RPS6KC1: variants seen among roughly 807,000 people sequenced by gnomAD.
RPS6KC1 encodes inactive ribosomal protein S6 kinase delta-1.
Under a neutral mutation model 103.8 loss-of-function variants are expected in RPS6KC1, and 54 were observed. The observed-to-expected ratio is 0.52, with a 90% CI of 0.42 to 0.65. The LOEUF is 0.65. RPS6KC1 is among the 30% of genes least tolerant of loss of function. The pLI is 0.00. For synonymous variants in RPS6KC1, 439 were observed against 438.7 expected, an observed-to-expected ratio of 1.00 and a Z score of -0.01; for missense variants, 1,151 against 1,253.8, an observed-to-expected ratio of 0.92 and a Z score of 1.24.
chr1:213,799,839 G>A, the RPS6KC1 span, among the ~76,000 whole-genome samples: 4 of 152,194 alleles, frequency 2.6e-5, no homozygotes, highest in Non-Finnish European at 4.4e-5. Flanking sequence ...AGTCAGCTCA[G>A]GCTACCATAA....
At chr1:213,572,710 A>G in the RPS6KC1 span, among the ~76,000 whole-genome samples, 1 of 152,212 alleles carries the variant, frequency 6.6e-6, no homozygotes, top group African/African-American at 2.4e-5. Context: ...ATCTTTATCA[A>G]AGAATTGGGG....
At chr1:213,221,314 G>A (rs1003805388) in intron 8 of RPS6KC1, among the ~76,000 whole-genome samples, 4 of 151,948 alleles carry the variant, frequency 2.6e-5, no homozygotes, top group Admixed American at 2.0e-4. Flanking sequence ...TTTTCCATAG[G>A]CGAACTGATG....
At chr1:213,640,701 C>T in the RPS6KC1 span, among the ~76,000 whole-genome samples, 15 of 151,756 alleles carry the variant, frequency 9.9e-5, no homozygotes, top group South Asian at 2.1e-3. Context: ...TTTCCTGCTA[C>T]CTTTCTTTTA....
chr1:213,191,201 A>G (rs2092732517), intron 8 of RPS6KC1, among the ~76,000 whole-genome samples: 1 of 152,194 alleles, frequency 6.6e-6, no homozygotes, highest in African/African-American at 2.4e-5. Context: ...TAGTATTTTG[A>G]TAAAGATTGC....
the RPS6KC1 span, among the ~76,000 whole-genome samples, chr1:213,728,241 C>T: frequency 6.6e-6 from 1 of 152,186 alleles, no homozygotes; most frequent in Non-Finnish European, 1.5e-5. Context: ...AGGAAATTAT[C>T]TGAGGGGCTA....
the RPS6KC1 span, among the ~76,000 whole-genome samples, chr1:213,782,935 C>T: frequency 3.9e-5 from 6 of 152,120 alleles, no homozygotes; most frequent in African/African-American, 1.2e-4. Context: ...CAAGTTGCCC[C>T]CAGAGTTCTC....
At chr1:213,159,787 A>G (rs923794995) in intron 6 of RPS6KC1, among the ~76,000 whole-genome samples, 2 of 152,224 alleles carry the variant, frequency 1.3e-5, no homozygotes, top group African/African-American at 4.8e-5. Context: ...TCTCATCAGT[A>G]TCACCACATT....
At chr1:213,243,285 ATTT>A (rs56097039) in intron 12 of RPS6KC1, among the ~76,000 whole-genome samples, 3 of 150,210 alleles carry the variant, frequency 2.0e-5, no homozygotes, top group South Asian at 2.1e-4. Flanking sequence ...AATTAAAAAA[ATTT>A]TTTTTTTTTT....
the RPS6KC1 span, among the ~76,000 whole-genome samples, chr1:213,534,777 G>C: frequency 2.6e-5 from 4 of 152,220 alleles, no homozygotes; most frequent in African/African-American, 9.6e-5. Context: ...ATTATTCACT[G>C]TCCTTAAGAA....
At chr1:213,135,491 A>G (rs2086170259) in intron 6 of RPS6KC1, among the ~76,000 whole-genome samples, 2 of 152,102 alleles carry the variant, frequency 1.3e-5, no homozygotes, top group African/African-American at 2.4e-5. Flanking sequence ...TTTTTCCTTC[A>G]GTTGTGACCT....
At chr1:213,397,073 A>T in the RPS6KC1 span, among the ~76,000 whole-genome samples, 3 of 152,184 alleles carry the variant, frequency 2.0e-5, no homozygotes, top group African/African-American at 7.2e-5. Context: ...TTTGGGAAAG[A>T]TCTACTAAAA....
At chr1:213,614,312 T>C in the RPS6KC1 span, among the ~76,000 whole-genome samples, 1 of 152,218 alleles carries the variant, frequency 6.6e-6, no homozygotes, top group African/African-American at 2.4e-5. Flanking sequence ...CAAGAAGTTT[T>C]GAGAGTCCTG....
rs2094343323 is a variant in RPS6KC1, at chr1:213,241,190, T to G, written c.1714T>G (p.Phe572Val). 2 of 1,613,798 alleles carry G rather than the reference T, an allele frequency of 1.2e-6. No homozygotes were observed. The highest frequency in any genetic ancestry group is 2.2e-5 in the South Asian group (2 of 91,066). Residue 572 changes from phenylalanine to valine, a missense_variant, in exon 11 of 15, where the codon TTC becomes GTC. This residue lies in a region of RPS6KC1 where 959 missense variants were observed against 1,006.3 expected (regional missense o/e 0.95). Coordinates refer to ENST00000366960, the MANE Select transcript of RPS6KC1 (RefSeq NM_012424.6). The stretch of plus-strand genomic sequence containing the variant: ...ACAGCTGAGAGCTCACGAGCTGAAG[T>G]TCTTCCCCAACGATGACCCAGAAGC... ...STQLRAHELK[F>V]FPNDDPEAVS...
the RPS6KC1 span, among the ~76,000 whole-genome samples, chr1:213,678,920 T>C: frequency 6.6e-6 from 1 of 152,192 alleles, no homozygotes; most frequent in Non-Finnish European, 1.5e-5. Context: ...AAAGGGTGGC[T>C]CTAATGTGGG....
the RPS6KC1 span, among the ~76,000 whole-genome samples, chr1:213,284,851 C>T: frequency 7.9e-5 from 12 of 152,202 alleles, no homozygotes; most frequent in East Asian, 2.3e-3. Context: ...ACATGATTTA[C>T]AAGGGAAAAC....
At chr1:213,589,420 A>G in the RPS6KC1 span, among the ~76,000 whole-genome samples, 1 of 152,114 alleles carries the variant, frequency 6.6e-6, no homozygotes, top group Admixed American at 6.5e-5. Context: ...TGGGAAGATC[A>G]CCTGAGGTCA....
chr1:213,379,679 C>G, the RPS6KC1 span, among the ~76,000 whole-genome samples: 1 of 152,230 alleles, frequency 6.6e-6, no homozygotes, highest in Admixed American at 6.5e-5. Flanking sequence ...CTCCTCCTCT[C>G]CCTCTCTTCC....
the RPS6KC1 span, among the ~76,000 whole-genome samples, chr1:213,454,463 G>C: frequency 1.3e-5 from 2 of 152,138 alleles, no homozygotes; most frequent in East Asian, 3.8e-4. Context: ...TTCTTTTTCT[G>C]TCTAAACTTA....
At chr1:213,096,668 GAA>G (rs1039419610) in intron 3 of RPS6KC1, among the ~76,000 whole-genome samples, 1 of 142,618 alleles carries the variant, frequency 7.0e-6, no homozygotes, top group Non-Finnish European at 1.5e-5. Context: ...CTGTATCAAA[GAA>G]AAAAAAAAAA....
Sources: gnomAD v4.1 joint callset for allele counts (sites outside exome capture counted in the v4.1 genomes callset) on GRCh38, gnomAD v4.1.1 for gene constraint, gnomAD v4.1.1 regional missense constraint, MANE v1.5 for transcripts, NCBI Gene and HGNC (gene_info 2026-07-23, HGNC 2026-07-21) for gene names.